COL4A1: variants seen among roughly 807,000 people sequenced by gnomAD.
The protein encoded by COL4A1 is collagen alpha-1(IV) chain.
In COL4A1, 40 loss-of-function variants were observed where a neutral mutation model predicts 216.6. The ratio of observed to expected loss-of-function variants is 0.18; its 90% CI spans 0.14 to 0.24. The LOEUF is 0.24. Among genes scored for constraint, COL4A1 ranks in the 10% least tolerant of loss-of-function variants. The pLI is 1.00. For synonymous variants in COL4A1, 839 were observed against 810.7 expected, an observed-to-expected ratio of 1.03 and a Z score of -0.59; for missense variants, 1,628 against 2,196.8, an observed-to-expected ratio of 0.74 and a Z score of 5.18.
intron 28 of COL4A1, 81 bp from the exon 29 acceptor site, chr13:110,181,470 G>A (rs1438104264): frequency 5.1e-6 from 7 of 1,371,300 alleles, no homozygotes; most frequent in Non-Finnish European, 7.1e-6. Flanking sequence ...TTCACTTTTA[G>A]TCTTGCCCAG....
chr13:110,259,997 AC>A (rs1882749914), intron 1 of COL4A1, among the ~76,000 whole-genome samples: 1 of 152,134 alleles, frequency 6.6e-6, no homozygotes, highest in African/African-American at 2.4e-5. Flanking sequence ...GGATCATGCT[AC>A]CAGGCAACCT....
chr13:110,163,224 C>T (rs1314986659), intron 47 of COL4A1, among the ~76,000 whole-genome samples: 1 of 152,236 alleles, frequency 6.6e-6, no homozygotes, highest in Non-Finnish European at 1.5e-5. Flanking sequence ...CCACTATTGG[C>T]TGCCTTTCAA....
rs61727515 is a variant in COL4A1 at position 110,253,784 on chromosome 13, CGTATAATTATACGT to C, written c.85-11064_85-11051del. 1.6e-4 allele frequency among the ~76,000 whole-genome samples: 14 copies of C among 89,172 alleles called. No homozygotes were observed. In the South Asian group the frequency reaches 1.9e-3, roughly 12 times the overall value. 58.5% of individuals were successfully genotyped at this position (89,172 alleles called of 152,430 possible). A position where few individuals can be genotyped will look rare whatever the true frequency, so the allele number is the denominator to read the frequency against. ...TATACGTATGTATGTATTATATATA[CGTATAATTATACGT>C]ATATATGTATAATTATACGTATGTA... On this transcript the variant is annotated intron_variant, in intron 1 of 51. Coordinates refer to ENST00000375820, the MANE Select transcript of COL4A1 (RefSeq NM_001845.6).
At position 110,244,592 on chromosome 13, in the gene COL4A1, G is replaced by A. The variant is rs748755397; in HGVS notation, c.85-1858C>T. 2.0e-5 allele frequency among the ~76,000 whole-genome samples: 3 copies of A among 152,142 alleles called. No homozygotes were observed. The East Asian group carries it at 5.8e-4, about 29-fold the overall frequency. On this transcript the variant is annotated intron_variant, in intron 1 of 51. Transcript: ENST00000375820. ...GACCTCACCAGAGGTACCTAACTCA[G>A]CCAGTACTACCATGTGTCTAATCCC...
intron 1 of COL4A1, among the ~76,000 whole-genome samples, chr13:110,286,953 G>A (rs755017011): frequency 1.3e-5 from 2 of 152,184 alleles, no homozygotes; most frequent in East Asian, 1.9e-4. Context: ...GCTCTTCTTC[G>A]AAACAAGTTT....
chr13:110,207,360 C>T lies in COL4A1; in HGVS notation c.780+43G>A, dbSNP rs756131445. 1 of 1,541,310 alleles carries T rather than the reference C, an allele frequency of 6.5e-7. No homozygotes were observed. Among genetic ancestry groups the T allele is most frequent in the Non-Finnish European group, 9.0e-7 (1 of 1,113,748 alleles). Reference sequence around the variant, plus strand: ...TTCTCTTTATCTTTTGGAATTTGTCCAAAATTAGAAAATCAGTATTCACTG... The same window carrying T: ...TTCTCTTTATCTTTTGGAATTTGTCTAAAATTAGAAAATCAGTATTCACTG... On this transcript the variant is annotated intron_variant, in intron 13 of 51. Transcript: ENST00000375820. The surrounding 1 kb of genome is among the most constrained non-coding windows in gnomAD (Gnocchi z 4.4).
At chr13:110,229,532 G>A (rs992472810) in intron 2 of COL4A1, among the ~76,000 whole-genome samples, 3 of 152,182 alleles carry the variant, frequency 2.0e-5, no homozygotes, top group African/African-American at 7.2e-5. Flanking sequence ...AAAGTGCTGT[G>A]TTCTGAATGT....
chr13:110,302,113 A>G (rs4773142), intron 1 of COL4A1, among the ~76,000 whole-genome samples: 93,562 of 151,980 alleles, frequency 0.62, 29,634 homozygotes, highest in Admixed American at 0.72. Context: ...AGCTGCGGGC[A>G]CCTCTGGGAA....
At chr13:110,299,453 T>C (rs760099063) in intron 1 of COL4A1, among the ~76,000 whole-genome samples, 23 of 152,244 alleles carry the variant, frequency 1.5e-4, no homozygotes, top group Middle Eastern at 3.2e-3. Flanking sequence ...CTTCTGAATT[T>C]GTCTTTAATT....
At chr13:110,231,182 G>A (rs1051404526) in intron 2 of COL4A1, among the ~76,000 whole-genome samples, 12 of 152,202 alleles carry the variant, frequency 7.9e-5, no homozygotes, top group African/African-American at 1.2e-4. Context: ...AGGACATATC[G>A]ATGAGACTGG....
chr13:110,267,123 CAGAGCACAA>C (rs375796415), intron 1 of COL4A1, among the ~76,000 whole-genome samples: 231 of 152,292 alleles, frequency 1.5e-3, no homozygotes, highest in African/African-American at 5.2e-3. Flanking sequence ...GGCTGCTGAG[CAGAGCACAA>C]AGAGCACAAT....
intron 46 of COL4A1, among the ~76,000 whole-genome samples, chr13:110,164,575 G>A (rs368301400): frequency 1.3e-5 from 2 of 152,186 alleles, no homozygotes; most frequent in African/African-American, 4.8e-5. Flanking sequence ...GCAGGAGGGG[G>A]AAAGGTAATG....
At chr13:110,228,955 C>G (rs72654161) in intron 2 of COL4A1, among the ~76,000 whole-genome samples, 6 of 152,122 alleles carry the variant, frequency 3.9e-5, no homozygotes, top group African/African-American at 1.4e-4. Flanking sequence ...CAACTTGGAA[C>G]GTGATTTTTC....
intron 1 of COL4A1, among the ~76,000 whole-genome samples, chr13:110,265,030 A>G (rs963671513): frequency 1.3e-5 from 2 of 152,238 alleles, no homozygotes; most frequent in Non-Finnish European, 2.9e-5. Context: ...TCGGCTCTGC[A>G]AGATGCTGGG....
intron 2 of COL4A1, among the ~76,000 whole-genome samples, chr13:110,231,177 A>T (rs775741433): frequency 1.2e-4 from 18 of 152,234 alleles, no homozygotes; most frequent in Admixed American, 1.2e-3. Context: ...TGCCCAGGAC[A>T]TATCGATGAG....
chr13:110,232,099 C>T (rs1332468991), intron 2 of COL4A1, among the ~76,000 whole-genome samples: 1 of 152,202 alleles, frequency 6.6e-6, no homozygotes, highest in Non-Finnish European at 1.5e-5. Flanking sequence ...GTTAGCTTCT[C>T]GTGTCAGATT....
At chr13:110,193,117 C>T (rs757288383) in intron 22 of COL4A1, among the ~76,000 whole-genome samples, 30 of 152,238 alleles carry the variant, frequency 2.0e-4, no homozygotes, top group African/African-American at 6.5e-4. Context: ...TGTCAATGAA[C>T]GGGCCCACTG....
At position 110,176,976 on chromosome 13, in the gene COL4A1, C is replaced by T; in HGVS notation, c.2778G>A (p.Lys926=). 6 of 1,614,146 alleles carry T rather than the reference C, an allele frequency of 3.7e-6. No homozygotes were observed. The highest frequency in any genetic ancestry group is 5.1e-6 in the Non-Finnish European group (6 of 1,180,020). The change falls in exon 34 of 52, where the codon AAG becomes AAA. Residue 926 remains lysine (K), a synonymous_variant. Coordinates refer to ENST00000375820, the MANE Select transcript of COL4A1 (RefSeq NM_001845.6). Reference sequence around the variant, plus strand: ...GCTTGCCAGGGAGACCGACATCCCCCTTATCACCTTTCAAGCCAGGGTCTC... The same window carrying T: ...GCTTGCCAGGGAGACCGACATCCCCTTTATCACCTTTCAAGCCAGGGTCTC... ...PRGDPGLKGD[K]GDVGLPGKPG...
chr13:110,235,456 C>T (rs1004643630), intron 2 of COL4A1, among the ~76,000 whole-genome samples: 4 of 152,000 alleles, frequency 2.6e-5, no homozygotes, highest in Admixed American at 6.6e-5. Flanking sequence ...CGAGACCTTC[C>T]TGGCTAACAG....
Sources: allele counts gnomAD v4.1 joint callset (sites outside exome capture counted in the v4.1 genomes callset), GRCh38; gene constraint gnomAD v4.1.1; non-coding constraint Gnocchi (gnomAD v3.1); transcripts MANE v1.5; gene names NCBI Gene and HGNC (gene_info 2026-07-23, HGNC 2026-07-21).